Variants in TCTN2 observed in about 807,000 individuals in gnomAD.
The protein encoded by TCTN2 is tectonic family member 2, also known as tectonic-2.
Under a neutral mutation model 83.4 loss-of-function variants are expected in TCTN2, and 66 were observed. The observed-to-expected ratio is 0.79, with a 90% CI of 0.65 to 0.97. The LOEUF is 0.97. TCTN2 is among the 50% of genes least tolerant of loss of function. The probability of loss-of-function intolerance (pLI) is 0.00; values close to 1 mark genes in which losing one functional copy is unlikely to be tolerated. For missense variants in TCTN2, 794 were observed against 858.1 expected (o/e 0.93, Z 0.93); for synonymous variants, 301 against 326.7 (o/e 0.92, Z 0.85).
Position 123,707,894 on chromosome 12 carries a change from G to A in TCTN2, c.*181G>A. 1 of 609,362 alleles carries A rather than the reference G, an allele frequency of 1.6e-6. No homozygotes were observed. The highest frequency in any genetic ancestry group is 3.0e-6 in the Non-Finnish European group (1 of 338,102). 37.7% of individuals were successfully genotyped at this position (609,362 alleles called of 1,614,324 possible). ...CCCGGCTAATTTTGTATTTTTAGTAGAGACAGGGTTCCACCGTATTGGCCA... is the reference window on the plus strand; with the variant it reads ...CCCGGCTAATTTTGTATTTTTAGTAAAGACAGGGTTCCACCGTATTGGCCA... On this transcript the variant is annotated 3_prime_UTR_variant, in exon 18 of 18. Coordinates refer to ENST00000303372, the MANE Select transcript of TCTN2 (RefSeq NM_024809.5).
intron 5 of TCTN2, among the ~76,000 whole-genome samples, chr12:123,683,786 G>C (rs1307857148): frequency 6.6e-6 from 1 of 152,056 alleles, no homozygotes; most frequent in Non-Finnish European, 1.5e-5. Context: ...TTACAGGCGC[G>C]TGCCACCATG....
chr12:123,673,650 T>A lies in TCTN2; in HGVS notation c.303T>A (p.Gly101=). The A allele has an allele frequency of 3.1e-6, 5 of 1,614,080 alleles. No homozygotes were observed. Among genetic ancestry groups the A allele is most frequent in the Non-Finnish European group, 4.2e-6 (5 of 1,180,012 alleles). The change falls in exon 4 of 18, where the codon GGT becomes GGA. Residue 101 remains glycine (G), a synonymous_variant. Coordinates refer to ENST00000303372, the MANE Select transcript of TCTN2 (RefSeq NM_024809.5). ...AAGTGACAGTGAGGTGGAAGAGAGG[T>A]CTGGACTGGTGTTCCTCCAATGAGA... ...VLEVTVRWKR[G]LDWCSSNETD... is the part of the protein sequence containing the mutation.
At position 123,679,233 on chromosome 12, in the gene TCTN2, C is replaced by T; in HGVS notation, c.508C>T (p.Pro170Ser). The change falls in exon 5 of 18, where the codon CCT becomes TCT. Residue 170 changes from proline to serine, a missense_variant. Coordinates refer to ENST00000303372, the MANE Select transcript of TCTN2 (RefSeq NM_024809.5). The stretch of plus-strand genomic sequence containing the variant: ...TAACCAGGTGTATCAGCCCCTTGGC[C>T]CTTGTCCTTGTAATTTAACAGCTGG... The part of the protein sequence containing the change: ...IPNQVYQPLG[P>S]CPCNLTAGAC... 1.2e-6 allele frequency: 2 copies of T among 1,614,098 alleles called. No homozygotes were observed. Among genetic ancestry groups the T allele is most frequent in the African/African-American group, 1.3e-5 (1 of 75,024 alleles).
In TCTN2 at chr12:123,674,547, C is replaced by T. The variant is rs564883751; in HGVS notation, c.463+737C>T. Among the ~76,000 whole-genome samples the T allele has an allele frequency of 2.6e-5, 4 of 152,300 alleles. 1 individual carries two copies. The South Asian group carries it at 6.2e-4, about 24-fold the overall frequency. ...CCTCCCAAAGTGCTGGGATTACAGG[C>T]GTGAGCCACTGTGCTCGGCACGTGC... On this transcript the variant is annotated intron_variant, in intron 4 of 17. Coordinates refer to ENST00000303372, the MANE Select transcript of TCTN2 (RefSeq NM_024809.5).
In TCTN2 at chr12:123,690,543, C is replaced by G; in HGVS notation, c.902C>G (p.Ala301Gly). ...AYFTIPQVSLAGQCMQNAPVA... is the reference protein window; with the variant it reads ...AYFTIPQVSLGGQCMQNAPVA... ...GCCCTTCTCCCTCAGGTGTCCCTGG[C>G]TGGGCAGTGTATGCAGAACGCCCCA... Residue 301 changes from alanine (A) to glycine (G), a missense_variant, in exon 8 of 18, where the codon GCT becomes GGT. Ala to Gly is a moderately conservative substitution (Grantham distance 60). Coordinates refer to ENST00000303372, the MANE Select transcript of TCTN2 (RefSeq NM_024809.5). 1 of 1,614,196 alleles carries G rather than the reference C, an allele frequency of 6.2e-7. No individual in the cohort carries two copies. The highest frequency in any genetic ancestry group is 8.5e-7 in the Non-Finnish European group (1 of 1,180,036).
At position 123,690,592 on chromosome 12, in the gene TCTN2, T is replaced by C; in HGVS notation, c.951T>C (p.Asp317=). Residue 317 remains aspartate, a synonymous_variant, in exon 8 of 18, where the codon GAT becomes GAC. Coordinates refer to ENST00000303372, the MANE Select transcript of TCTN2 (RefSeq NM_024809.5). ...CAGTGGCATTTCTTCACAATTTTGA[T>C]GTTAAATGCGTTACTAATTTGGAAC... The part of the protein sequence containing the change: ...NAPVAFLHNF[D]VKCVTNLELY... 2 of 1,614,212 alleles carry C rather than the reference T, an allele frequency of 1.2e-6. No homozygotes were observed. The highest frequency in any genetic ancestry group is 1.3e-5 in the African/African-American group (1 of 75,054).
rs556937993 is a variant in TCTN2, at chr12:123,697,142, T to C, written c.1449T>C (p.Asn483=). Residue 483 remains asparagine, a synonymous_variant, in exon 13 of 18, where the codon AAT becomes AAC. Coordinates refer to ENST00000303372, the MANE Select transcript of TCTN2 (RefSeq NM_024809.5). ...ATFKPILFGE[N]VLSGCLLEVG... ...TCAAACCCATTTTATTTGGAGAAAA[T>C]GTACTCTCTGGATGCCTGTTAGAAG... 3 of 1,614,070 alleles carry C rather than the reference T, an allele frequency of 1.9e-6. No individual in the cohort carries two copies. The Admixed American group carries it at 5.0e-5, about 27-fold the overall frequency.
At position 123,695,307 on chromosome 12, in the gene TCTN2, G is replaced by A. The variant is rs1566257627; in HGVS notation, c.1312+10G>A. ...TTATCTGGAAATCCAGGTAAGATGA[G>A]TATATGCCAGTCATTGATCTTACAA... is the stretch of plus-strand genomic sequence containing the variant. On this transcript the variant is annotated intron_variant, in intron 11 of 17. Coordinates refer to ENST00000303372, the MANE Select transcript of TCTN2 (RefSeq NM_024809.5). 6 of 1,534,476 alleles carry A rather than the reference G, an allele frequency of 3.9e-6. No homozygotes were observed. The highest frequency in any genetic ancestry group is 5.4e-6 in the Non-Finnish European group (6 of 1,107,778).
At chr12:123,673,854 G>C (rs1260276350) in intron 4 of TCTN2, 44 bp downstream of exon 4, 1 of 1,588,660 alleles carries the variant, frequency 6.3e-7, no homozygotes, top group African/African-American at 1.3e-5. Flanking sequence ...GTTGTTCCCA[G>C]CTACTTAGGA....
Position 123,696,475 on chromosome 12 carries a change from C to A in TCTN2, c.1373C>A (p.Thr458Asn). 1 of 1,614,124 alleles carries A rather than the reference C, an allele frequency of 6.2e-7. No individual in the cohort carries two copies. The highest frequency in any genetic ancestry group is 8.5e-7 in the Non-Finnish European group (1 of 1,179,974). ...LNINRMNNVTTLHLWQSAGRG... is the reference protein window; with the variant it reads ...LNINRMNNVTNLHLWQSAGRG... ...ATCAACAGGATGAATAATGTCACGA[C>A]TTTACATCTTTGGCAATCGGGTAAT... is the stretch of plus-strand genomic sequence containing the variant. Residue 458 changes from threonine (T) to asparagine (N), a missense_variant, in exon 12 of 18, where the codon ACT becomes AAT. Physicochemically the swap from Thr to Asn is moderately conservative, Grantham distance 65 (BLOSUM62 0). Transcript: ENST00000303372.
chr12:123,692,543 A>G, intron 8 of TCTN2, 115 bp from the exon 9 acceptor site: 1 of 817,936 alleles, frequency 1.2e-6, no homozygotes, highest in Non-Finnish European at 2.1e-6. Flanking sequence ...TTTTGTAGTC[A>G]GCACCCTGGG....
At position 123,700,897 on chromosome 12, in the gene TCTN2, C is replaced by CT. The variant is rs200455656; in HGVS notation, c.1612+1088dup. Among the ~76,000 whole-genome samples, 837 of 152,238 alleles carry CT rather than the reference C, an allele frequency of 5.5e-3. 21 individuals are homozygous for CT. The highest frequency in any genetic ancestry group is 0.047 in the Admixed American group (723 of 15,284). ...TAGGAGTTTGAGGCTACAGTGAGCT[C>CT]TGATTACACCATCACACTCCAACCT... is the stretch of plus-strand genomic sequence containing the variant. On this transcript the variant is annotated intron_variant, in intron 14 of 17. Transcript: ENST00000303372.
intron 3 of TCTN2, among the ~76,000 whole-genome samples, chr12:123,672,815 C>T (rs967036954): frequency 1.3e-5 from 2 of 152,204 alleles, no homozygotes; most frequent in East Asian, 3.9e-4. Context: ...CTTTGGGAGG[C>T]CGAGGAGGGC....
intron 8 of TCTN2, 59 bp from the exon 9 acceptor site, chr12:123,692,599 G>A: frequency 3.7e-6 from 5 of 1,335,834 alleles, no homozygotes; most frequent in Non-Finnish European, 5.4e-6. Context: ...CTTTGAGTAA[G>A]TGTGATCATG....
chr12:123,672,150 CCTT>C lies in TCTN2; in HGVS notation c.267+21_267+23del, dbSNP rs768504261. The C allele has an allele frequency of 7.4e-6, 12 of 1,611,990 alleles. No homozygotes were observed. The highest frequency in any genetic ancestry group is 1.6e-4 in the Middle Eastern group (1 of 6,080). ...CCGGTGCGGTAAGGCCAGAAGTAAA[CCTT>C]CTCTGTAGCCTGTGAAGAGGCCCCC... On this transcript the variant is annotated intron_variant, in intron 3 of 17. Coordinates refer to ENST00000303372, the MANE Select transcript of TCTN2 (RefSeq NM_024809.5).
intron 11 of TCTN2, 156 bp downstream of exon 11, chr12:123,695,453 GC>G: frequency 1.7e-6 from 1 of 604,574 alleles, no homozygotes; most frequent in Non-Finnish European, 3.0e-6. Context: ...ACGGAGTCTT[GC>G]TCTGTTGCCT....
chr12:123,673,361 T>C (rs561111056), intron 3 of TCTN2, among the ~76,000 whole-genome samples: 1 of 152,318 alleles, frequency 6.6e-6, no homozygotes, highest in East Asian at 1.9e-4. Context: ...CTGAGTTTAT[T>C]TATCAGATCT....
At chr12:123,689,139 G>A (rs921440800) in intron 7 of TCTN2, among the ~76,000 whole-genome samples, 5 of 151,822 alleles carry the variant, frequency 3.3e-5, no homozygotes, top group Non-Finnish European at 7.4e-5. Flanking sequence ...TCAACTCCCT[G>A]CAGCCCTGAC....
In TCTN2 at chr12:123,708,043, C is replaced by CACTT. The variant is rs1555294655; in HGVS notation, c.*330_*331insACTT. 6.2e-4 allele frequency: 185 copies of CACTT among 298,642 alleles called. 2 individuals carry two copies. Among genetic ancestry groups the CACTT allele is most frequent in the South Asian group, 5.3e-3 (183 of 34,820 alleles). 18.5% of individuals were successfully genotyped at this position (298,642 alleles called of 1,614,324 possible). On this transcript the variant is annotated 3_prime_UTR_variant, in exon 18 of 18. Coordinates refer to ENST00000303372, the MANE Select transcript of TCTN2 (RefSeq NM_024809.5). The stretch of plus-strand genomic sequence containing the variant: ...TTTTTTTTTTTTTGAGGCGGGGTCT[C>CACTT]TGTCACCCAGGCTGGAGTGCAGTGC...
Sources: allele counts gnomAD v4.1 joint callset (sites outside exome capture counted in the v4.1 genomes callset), GRCh38; gene constraint gnomAD v4.1.1; transcripts MANE v1.5; gene names NCBI Gene and HGNC (gene_info 2026-07-23, HGNC 2026-07-21).